The following CDH22 variants were observed in gnomAD, a reference collection of about 807,000 sequenced individuals.
The protein encoded by CDH22 is cadherin 22.
Under a neutral mutation model 58.4 loss-of-function variants are expected in CDH22, and 30 were observed. The ratio of observed to expected loss-of-function variants is 0.51; its 90% CI spans 0.38 to 0.70. CDH22 has a LOEUF of 0.70. Among genes scored for constraint, CDH22 ranks in the 30% least tolerant of loss-of-function variants. The probability of loss-of-function intolerance (pLI) is 0.00; values close to 1 mark genes in which losing one functional copy is unlikely to be tolerated. For synonymous variants in CDH22, 513 were observed against 558.2 expected (o/e 0.92, Z 1.14); for missense variants, 1,014 against 1,233.9 (o/e 0.82, Z 2.67).
In CDH22 at chr20:46,191,630, G is replaced by A. The variant is rs74399429; in HGVS notation, c.1424-4683C>T. On this transcript the variant is annotated intron_variant, in intron 8 of 11. Coordinates refer to ENST00000537909, the MANE Select transcript of CDH22 (RefSeq NM_021248.3). The stretch of plus-strand genomic sequence containing the variant: ...GGAGTGCTGTTGTTGCTGTTTTACT[G>A]ATGAGGAAACGGGCTCAGAGGGGTG... 3.6e-3 allele frequency among the ~76,000 whole-genome samples: 547 copies of A among 152,292 alleles called. 2 individuals carry two copies. Among genetic ancestry groups the A allele is most frequent in the African/African-American group, 0.013 (521 of 41,556 alleles).
At chr20:46,213,443 C>T (rs2086059456) in intron 5 of CDH22, among the ~76,000 whole-genome samples, 1 of 152,276 alleles carries the variant, frequency 6.6e-6, no homozygotes, top group East Asian at 1.9e-4. Flanking sequence ...GCCTGCAGTT[C>T]TTTGGGCCTC....
At chr20:46,293,068 G>A (rs1728349944) in intron 1 of CDH22, among the ~76,000 whole-genome samples, 1 of 152,122 alleles carries the variant, frequency 6.6e-6, no homozygotes, top group Non-Finnish European at 1.5e-5. Flanking sequence ...CTCAGTATAT[G>A]TTGAGTAAGT....
chr20:46,197,314 A>ATG (rs2085912866), intron 8 of CDH22, among the ~76,000 whole-genome samples: 1 of 149,004 alleles, frequency 6.7e-6, no homozygotes, highest in Non-Finnish European at 1.5e-5. Flanking sequence ...ATATATATAT[A>ATG]TATACATATG....
At chr20:46,285,105 C>G (rs2086570116) in intron 1 of CDH22, among the ~76,000 whole-genome samples, 1 of 152,172 alleles carries the variant, frequency 6.6e-6, no homozygotes, top group Non-Finnish European at 1.5e-5. Context: ...CTCATTGGTT[C>G]CCATGTTTAG....
At chr20:46,179,494 A>C (rs968059338) in intron 10 of CDH22, among the ~76,000 whole-genome samples, 2 of 152,204 alleles carry the variant, frequency 1.3e-5, no homozygotes, top group African/African-American at 4.8e-5. Context: ...CCTTTGGCAC[A>C]TCTCAGAAGT....
chr20:46,257,622 TGTTACAATCA>T (rs1233085113), intron 1 of CDH22, among the ~76,000 whole-genome samples: 1 of 152,138 alleles, frequency 6.6e-6, no homozygotes, highest in Non-Finnish European at 1.5e-5. Flanking sequence ...GACCTTGATG[TGTTACAATCA>T]GTTTTTGGAC....
chr20:46,280,841 G>T (rs2425852), intron 1 of CDH22, among the ~76,000 whole-genome samples: 2 of 152,246 alleles, frequency 1.3e-5, no homozygotes, highest in African/African-American at 4.8e-5. Context: ...CCTCTTCCAA[G>T]AGCTTCTCCA....
At chr20:46,263,949 G>T (rs2086446450) in intron 1 of CDH22, among the ~76,000 whole-genome samples, 1 of 152,140 alleles carries the variant, frequency 6.6e-6, no homozygotes, top group Non-Finnish European at 1.5e-5. Context: ...AGAGGGTGGT[G>T]GTGGCTCGGA....
chr20:46,256,879 G>A (rs1419877011), intron 1 of CDH22, among the ~76,000 whole-genome samples: 1 of 152,046 alleles, frequency 6.6e-6, no homozygotes, highest in Non-Finnish European at 1.5e-5. Context: ...GGTGGCATGT[G>A]CCTGTAGTCC....
At chr20:46,307,769 C>A (rs2059030518) in intron 1 of CDH22, among the ~76,000 whole-genome samples, 1 of 152,040 alleles carries the variant, frequency 6.6e-6, no homozygotes, top group Non-Finnish European at 1.5e-5. Flanking sequence ...GGTATTTTCC[C>A]GGCCCCGGAC....
Position 46,205,007 on chromosome 20 carries a change from C to CGT in CDH22, c.1286+5298_1286+5299dup, listed in dbSNP as rs965674408. On this transcript the variant is annotated intron_variant, in intron 7 of 11. Coordinates refer to ENST00000537909, the MANE Select transcript of CDH22 (RefSeq NM_021248.3). ...TGATGCAGCTGCCGCCCAAGCTGCT[C>CGT]GTGTGTGTGTGTCGGGGTGTAGTTC... 3.3e-5 allele frequency among the ~76,000 whole-genome samples: 5 copies of CGT among 152,138 alleles called. No individual in the cohort carries two copies. In the East Asian group the frequency reaches 5.8e-4, roughly 18 times the overall value.
In CDH22 at chr20:46,251,105, A is replaced by G. The variant is rs1409477787; in HGVS notation, c.190T>C (p.Trp64Arg). 6.2e-7 allele frequency: 1 copy of G among 1,608,886 alleles called. No individual in the cohort carries two copies. Among genetic ancestry groups the G allele is most frequent in the Non-Finnish European group, 8.5e-7 (1 of 1,177,746 alleles). Residue 64 changes from tryptophan to arginine, a missense_variant, in exon 2 of 12, where the codon TGG (tryptophan) becomes CGG (arginine). Transcript: ENST00000537909. This position sits in a 1 kb window ranked among gnomAD's most constrained non-coding sequence, Gnocchi z 6.7. Reference protein sequence around the residue: ...ALGAGRVKRGWVWNQFFVVEE... With the variant: ...ALGAGRVKRGRVWNQFFVVEE... ...ACCACGAAGAACTGGTTCCACACCC[A>G]GCCGCGTTTGACGCGGCCGGCTCCC...
intron 1 of CDH22, among the ~76,000 whole-genome samples, chr20:46,254,918 C>T (rs73295845): frequency 0.029 from 4,440 of 152,224 alleles, 201 homozygotes; most frequent in African/African-American, 0.1. Flanking sequence ...TGCATCTGGA[C>T]ATGTGGAATT....
At chr20:46,291,899 C>T (rs1028702558) in intron 1 of CDH22, among the ~76,000 whole-genome samples, 2 of 152,212 alleles carry the variant, frequency 1.3e-5, no homozygotes, top group Non-Finnish European at 2.9e-5. Flanking sequence ...GGATGGCTGG[C>T]CGTATTCTTG....
rs2085717385 is a variant in CDH22 at position 46,174,267 on chromosome 20, C to G, written c.*239G>C. 4.1e-6 allele frequency: 2 copies of G among 489,774 alleles called. No homozygotes were observed. Among genetic ancestry groups the G allele is most frequent in the East Asian group, 3.6e-5 (1 of 27,756 alleles). The allele number at this position is 489,774 out of a possible 1,614,324, so 30.3% of individuals were successfully genotyped here. A position where few individuals can be genotyped will look rare whatever the true frequency, so the allele number is the denominator to read the frequency against. ...TCTAACCCCAGAGCCACACCGTGCC[C>G]GGTCTCGCCTCAGTTTTAATGCCGT... On this transcript the variant is annotated 3_prime_UTR_variant, in exon 12 of 12. Transcript: ENST00000537909. The surrounding 1 kb of genome is among the most constrained non-coding windows in gnomAD (Gnocchi z 4.4).
At position 46,187,078 on chromosome 20, in the gene CDH22, A is replaced by G. The variant is rs2145655568; in HGVS notation, c.1424-131T>C. 4.6e-6 allele frequency: 4 copies of G among 873,870 alleles called. No individual in the cohort carries two copies. In the East Asian group the frequency reaches 7.8e-5, roughly 17 times the overall value. The allele number at this position is 873,870 out of a possible 1,614,324, so 54.1% of individuals were successfully genotyped here. On this transcript the variant is annotated intron_variant, in intron 8 of 11. Transcript: ENST00000537909. ...ATTTGTGGGTTAACCAAGCTGGTACAAGGACCAGAACTGGGAACATTTGGG... is the reference window on the plus strand; with the variant it reads ...ATTTGTGGGTTAACCAAGCTGGTACGAGGACCAGAACTGGGAACATTTGGG...
At chr20:46,292,992 C>G (rs6065945) in intron 1 of CDH22, among the ~76,000 whole-genome samples, 90,285 of 151,348 alleles carry the variant, frequency 0.6, 27,711 homozygotes, top group African/African-American at 0.73. Flanking sequence ...TCCTTGCAGA[C>G]AGATCCTGGG....
chr20:46,174,818 G>T lies in CDH22; in HGVS notation c.2175C>A (p.His725Gln). ...GCAGCGAGTGGCGCTCGGAGGGCAG[G>T]TGGGCCTGCGGGGGGCTGCCCGCGC... is the stretch of plus-strand genomic sequence containing the variant. ...GGGAGSPPQA[H>Q]LPSERHSLPQ... The change falls in exon 12 of 12, where the codon CAC (histidine) becomes CAA (glutamine). Residue 725 changes from histidine (H) to glutamine (Q), a missense_variant. Coordinates refer to ENST00000537909, the MANE Select transcript of CDH22 (RefSeq NM_021248.3). The surrounding 1 kb of genome is among the most constrained non-coding windows in gnomAD (Gnocchi z 4.4). The T allele has an allele frequency of 6.8e-7, 1 of 1,468,172 alleles. No individual in the cohort carries two copies. Among genetic ancestry groups the T allele is most frequent in the South Asian group, 1.3e-5 (1 of 77,326 alleles). The allele number at this position is 1,468,172 out of a possible 1,614,324, so 90.9% of individuals were successfully genotyped here. A position where few individuals can be genotyped will look rare whatever the true frequency, so the allele number is the denominator to read the frequency against.
intron 6 of CDH22, among the ~76,000 whole-genome samples, chr20:46,212,572 T>C (rs2086050982): frequency 6.6e-6 from 1 of 152,224 alleles, no homozygotes; most frequent in Admixed American, 6.5e-5. Flanking sequence ...CCATGTGCCT[T>C]ACAGGTGTGA....
Sources: gnomAD v4.1 joint callset for allele counts (sites outside exome capture counted in the v4.1 genomes callset) on GRCh38, gnomAD v4.1.1 for gene constraint, Gnocchi (gnomAD v3.1) non-coding constraint, MANE v1.5 for transcripts, NCBI Gene and HGNC (gene_info 2026-07-23, HGNC 2026-07-21) for gene names.